The following GREP1 variants were observed in gnomAD, a reference collection of about 807,000 sequenced individuals.
GREP1 encodes glycine rich extracellular protein 1.
At position 3,000,707 on chromosome 16, in the gene GREP1, C is replaced by G; in HGVS notation, c.1418-7C>G. 2.5e-6 allele frequency: 1 copy of G among 398,962 alleles called. No individual in the cohort carries two copies. The highest frequency in any genetic ancestry group is 4.4e-6 in the Non-Finnish European group (1 of 226,092). The allele number at this position is 398,962 out of a possible 1,614,324, so 24.7% of individuals were successfully genotyped here. A position where few individuals can be genotyped will look rare whatever the true frequency, so the allele number is the denominator to read the frequency against. On this transcript the variant is annotated splice_region_variant and splice_polypyrimidine_tract_variant and intron_variant, in intron 32 of 34. Coordinates refer to ENST00000573315, the Ensembl canonical transcript of GREP1. The stretch of plus-strand genomic sequence containing the variant: ...AAGGGTACCCCTGCCAGCTCTCCTC[C>G]CCACAGGGCAGGCCGGGGTGCTGTG...
exon 26 of GREP1, chr16:2,998,968 G>T (rs779255152): frequency 1.2e-4 from 49 of 399,014 alleles, no homozygotes; most frequent in Non-Finnish European, 2.1e-4. Context: ...GTGCAGAATG[G>T]CAAGTTACCA....
Position 2,992,119 on chromosome 16 carries a change from TGATGGGAATGG to T in GREP1, c.323-678_323-668del, listed in dbSNP as rs1230618927. On this transcript the variant is annotated intron_variant, in intron 8 of 34. Coordinates refer to ENST00000573315, the Ensembl canonical transcript of GREP1. The surrounding 1 kb of genome is among the most constrained non-coding windows in gnomAD (Gnocchi z 4.9). ...TTCTACTCGGTCTCCCAAGATCTGG[TGATGGGAATGG>T]GATGGGAGCTGGGGCCTTCCTAGGA... is the stretch of plus-strand genomic sequence containing the variant. 6.6e-5 allele frequency: 10 copies of T among 152,466 alleles called. No individual in the cohort carries two copies. The highest frequency in any genetic ancestry group is 3.3e-4 in the Admixed American group (5 of 15,274). The allele number at this position is 152,466 out of a possible 1,614,324, so 9.4% of individuals were successfully genotyped here.
At chr16:2,995,814 C>A in intron 17 of GREP1, 43 bp downstream of exon 17, 1 of 398,584 alleles carries the variant, frequency 2.5e-6, no homozygotes, top group African/African-American at 2.1e-5. Context: ...TGCACGAACC[C>A]CTGAAGCCAT....
chr16:3,001,306 CAATGGCCAGCTGGGG>C, exon 34 of GREP1: 2 of 399,142 alleles, frequency 5.0e-6, no homozygotes, highest in Non-Finnish European at 8.8e-6. Flanking sequence ...AGAGAGGCAG[CAATGGCCAGCTGGGG>C]AATGGCTACG....
chr16:2,989,712 G>A lies in GREP1; in HGVS notation c.130+160G>A, dbSNP rs914101851. 2.4e-4 allele frequency among the ~76,000 whole-genome samples: 37 copies of A among 152,018 alleles called. No homozygotes were observed. Among genetic ancestry groups the A allele is most frequent in the Admixed American group, 1.6e-3 (25 of 15,274 alleles). ...GAGCATAGCCCCAGAGTGTCCCCCAGGCACCCTGGCTGGGGAGAGGGGAAG... is the reference window on the plus strand; with the variant it reads ...GAGCATAGCCCCAGAGTGTCCCCCAAGCACCCTGGCTGGGGAGAGGGGAAG... On this transcript the variant is annotated intron_variant, in intron 3 of 34. Coordinates refer to ENST00000573315, the Ensembl canonical transcript of GREP1. The surrounding 1 kb of genome is among the most constrained non-coding windows in gnomAD (Gnocchi z 4.2).
In GREP1 at chr16:2,989,167, G is replaced by A; in HGVS notation, c.101-356G>A. 1 of 308,772 alleles carries A rather than the reference G, an allele frequency of 3.2e-6. No homozygotes were observed. The highest frequency in any genetic ancestry group is 5.1e-5 in the East Asian group (1 of 19,776). The allele number at this position is 308,772 out of a possible 1,614,324, so 19.1% of individuals were successfully genotyped here. ...TACTGAGAATGGATGGGAGAGGAGA[G>A]GAAGAGGGTGGAGTGGGCTCTGCCC... On this transcript the variant is annotated intron_variant, in intron 2 of 34. Coordinates refer to ENST00000573315, the Ensembl canonical transcript of GREP1. The surrounding 1 kb of genome is among the most constrained non-coding windows in gnomAD (Gnocchi z 4.2).
In GREP1 at chr16:2,994,747, T is replaced by A. The variant is rs183038408; in HGVS notation, c.415+20T>A. On this transcript the variant is annotated intron_variant, in intron 11 of 34. Coordinates refer to ENST00000573315, the Ensembl canonical transcript of GREP1. ...GACCAGGTAGGGGCGGGGCTGGGGT[T>A]TGGGGAGGCCCAGAGCTGGGGCCCC... 3.9e-4 allele frequency: 154 copies of A among 398,880 alleles called. 3 individuals are homozygous for A. The East Asian group carries it at 4.4e-3, about 11-fold the overall frequency. The allele number at this position is 398,880 out of a possible 1,614,324, so 24.7% of individuals were successfully genotyped here.
intron 23 of GREP1, 96 bp from the exon 22 acceptor site, chr16:2,998,260 A>AAG (rs2072437362): frequency 5.0e-6 from 2 of 398,390 alleles, no homozygotes; most frequent in African/African-American, 4.1e-5. Flanking sequence ...GCCAGGTGAA[A>AAG]AGACGGGGCT....
rs1033608114 is a variant in GREP1 at position 2,989,332 on chromosome 16, G to A, written c.101-191G>A. ...AGCAGGGAAACTGAGACCTGGAAAG[G>A]GAGGTGGCATCCAGATTTGGGCCCC... On this transcript the variant is annotated intron_variant, in intron 2 of 34. Transcript: ENST00000573315. This position sits in a 1 kb window ranked among gnomAD's most constrained non-coding sequence, Gnocchi z 4.2. The A allele has an allele frequency of 5.0e-6, 2 of 396,618 alleles. No homozygotes were observed. The highest frequency in any genetic ancestry group is 4.1e-5 in the African/African-American group (2 of 48,580). 24.6% of individuals were successfully genotyped at this position (396,618 alleles called of 1,614,324 possible). A position where few individuals can be genotyped will look rare whatever the true frequency, so the allele number is the denominator to read the frequency against.
At chr16:2,995,474 C>T (rs2072419919) in intron 15 of GREP1, 145 bp from the exon 16 acceptor site, 1 of 398,924 alleles carries the variant, frequency 2.5e-6, no homozygotes, top group Non-Finnish European at 4.4e-6. Context: ...ACCCCTGGGG[C>T]GTCCTCTCCC....
At chr16:2,997,348 C>G (rs2072430769) in intron 21 of GREP1, 3 of 398,532 alleles carry the variant, frequency 7.5e-6, no homozygotes, top group African/African-American at 2.1e-5. Flanking sequence ...CTCTCCTTAG[C>G]TAGAATCCCA....
chr16:2,991,588 TGAAG>T lies in GREP1; in HGVS notation c.322+489_322+492del, dbSNP rs1222692873. 6.5e-6 allele frequency: 1 copy of T among 152,770 alleles called. No homozygotes were observed. The highest frequency in any genetic ancestry group is 1.9e-4 in the East Asian group (1 of 5,172). 9.5% of individuals were successfully genotyped at this position (152,770 alleles called of 1,614,324 possible). A position where few individuals can be genotyped will look rare whatever the true frequency, so the allele number is the denominator to read the frequency against. On this transcript the variant is annotated intron_variant, in intron 8 of 34. Coordinates refer to ENST00000573315, the Ensembl canonical transcript of GREP1. This position sits in a 1 kb window ranked among gnomAD's most constrained non-coding sequence, Gnocchi z 4.9. ...GGGAAGAGGGAACCTCAGAAGCGGA[TGAAG>T]GGAGGACCCCGCCCGTGTGCCACCT... is the stretch of plus-strand genomic sequence containing the variant.
rs1259990362 is a variant in GREP1, at chr16:2,989,260, C to A, written c.101-263C>A. 5.2e-6 allele frequency: 2 copies of A among 384,516 alleles called. No homozygotes were observed. The highest frequency in any genetic ancestry group is 9.2e-6 in the Non-Finnish European group (2 of 217,702). The allele number at this position is 384,516 out of a possible 1,614,324, so 23.8% of individuals were successfully genotyped here. A position where few individuals can be genotyped will look rare whatever the true frequency, so the allele number is the denominator to read the frequency against. ...CCAGGGGCCCTCTAGCCTCCACTGC[C>A]CTAGCCCCAGACTGCTCACCTCCTC... On this transcript the variant is annotated intron_variant, in intron 2 of 34. Coordinates refer to ENST00000573315, the Ensembl canonical transcript of GREP1. The surrounding 1 kb of genome is among the most constrained non-coding windows in gnomAD (Gnocchi z 4.2).
rs557019176 is a variant in GREP1 at position 3,001,538 on chromosome 16, A to T, written c.1586-23A>T. On this transcript the variant is annotated intron_variant, in intron 34 of 34. Coordinates refer to ENST00000573315, the Ensembl canonical transcript of GREP1. Reference sequence around the variant, plus strand: ...CCTCACCAGGGCCCCGCCCCTCCCTAGCCCAGCTCTATGTCTTCCCAGGCC... The same window carrying T: ...CCTCACCAGGGCCCCGCCCCTCCCTTGCCCAGCTCTATGTCTTCCCAGGCC... 11 of 399,110 alleles carry T rather than the reference A, an allele frequency of 2.8e-5. No individual in the cohort carries two copies. In the East Asian group the frequency reaches 3.6e-4, roughly 13 times the overall value. The allele number at this position is 399,110 out of a possible 1,614,324, so 24.7% of individuals were successfully genotyped here. A position where few individuals can be genotyped will look rare whatever the true frequency, so the allele number is the denominator to read the frequency against.
chr16:2,996,758 T>C (rs2072426985), intron 20 of GREP1, 53 bp downstream of exon 19: 1 of 398,584 alleles, frequency 2.5e-6, no homozygotes, highest in Admixed American at 4.4e-5. Context: ...CCTGGTGTTC[T>C]AGCTGGGTCT....
chr16:2,996,840 C>A lies in GREP1; in HGVS notation c.746-105C>A. 3 of 398,986 alleles carry A rather than the reference C, an allele frequency of 7.5e-6. No individual in the cohort carries two copies. The East Asian group carries it at 1.1e-4, about 14-fold the overall frequency. The allele number at this position is 398,986 out of a possible 1,614,324, so 24.7% of individuals were successfully genotyped here. On this transcript the variant is annotated intron_variant, in intron 20 of 34. Transcript: ENST00000573315. ...GGAGGTCTGTAGGAGCACCGAGGACCGAGGGGAGAGGAGGTTGGGGAGAGA... is the reference window on the plus strand; with the variant it reads ...GGAGGTCTGTAGGAGCACCGAGGACAGAGGGGAGAGGAGGTTGGGGAGAGA...
chr16:2,994,441 G>A lies in GREP1; in HGVS notation c.386-257G>A, dbSNP rs1269684877. 6.6e-5 allele frequency: 20 copies of A among 304,838 alleles called. 1 individual carries two copies. Among genetic ancestry groups the A allele is most frequent in the Middle Eastern group, 1.7e-3 (2 of 1,174 alleles). The allele number at this position is 304,838 out of a possible 1,614,324, so 18.9% of individuals were successfully genotyped here. ...GGAGAATTGCTTGAACCCGGGAGGCGGAGGTTGCAGTGAACCAAGATCACG... is the reference window on the plus strand; with the variant it reads ...GGAGAATTGCTTGAACCCGGGAGGCAGAGGTTGCAGTGAACCAAGATCACG... On this transcript the variant is annotated intron_variant, in intron 10 of 34. Transcript: ENST00000573315.
At chr16:3,001,678 G>C in exon 35 of GREP1, 1 of 399,102 alleles carries the variant, frequency 2.5e-6, no homozygotes, top group Non-Finnish European at 4.4e-6. Context: ...CTCCATGCTA[G>C]AACCACAAAC....
intron 25 of GREP1, 63 bp downstream of exon 23, chr16:2,998,586 C>T (rs2072440377): frequency 7.5e-6 from 3 of 398,950 alleles, no homozygotes; most frequent in East Asian, 3.6e-5. Context: ...TGCTGGAAGA[C>T]GGAGGGGCCT....
Sources: gnomAD v4.1 joint callset for allele counts (sites outside exome capture counted in the v4.1 genomes callset) on GRCh38, gnomAD v4.1.1 for gene constraint, Gnocchi (gnomAD v3.1) non-coding constraint, MANE v1.5 for transcripts, NCBI Gene and HGNC (gene_info 2026-07-23, HGNC 2026-07-21) for gene names.